Variants in PDGFRA observed in about 807,000 individuals in gnomAD.
PDGFRA encodes platelet-derived growth factor receptor alpha.
Under a neutral mutation model 121.5 loss-of-function variants are expected in PDGFRA, and 25 were observed. The ratio of observed to expected loss-of-function variants is 0.21; its 90% confidence interval spans 0.15 to 0.29. The LOEUF is 0.29. Among genes scored for constraint, PDGFRA ranks in the 10% least tolerant of loss-of-function variants. The pLI is 1.00. For synonymous variants in PDGFRA, 463 were observed against 494.8 expected, an observed-to-expected ratio of 0.94 and a Z score of 0.85; for missense variants, 1,008 against 1,345.1, an observed-to-expected ratio of 0.75 and a Z score of 3.92.
chr4:54,295,400 A>G lies in PDGFRA; in HGVS notation c.*128A>G. On this transcript the variant is annotated 3_prime_UTR_variant, in exon 23 of 23. Coordinates refer to ENST00000257290, the MANE Select transcript of PDGFRA (RefSeq NM_006206.6). Reference sequence around the variant, plus strand: ...ATGTTTAAAGAGAAGTTCCCAGCCAAGGGCCTCGGGGAGCGTTCTAAATAT... The same window carrying G: ...ATGTTTAAAGAGAAGTTCCCAGCCAGGGGCCTCGGGGAGCGTTCTAAATAT... 1.1e-6 allele frequency: 1 copy of G among 899,108 alleles called. No homozygotes were observed. The highest frequency in any genetic ancestry group is 2.4e-5 in the East Asian group (1 of 41,306). The allele number at this position is 899,108 out of a possible 1,614,324, so 55.7% of individuals were successfully genotyped here.
At chr4:54,230,013 T>A (rs7673027) in intron 1 of PDGFRA, 38,173 of 150,996 alleles carry the variant, frequency 0.25, 5,233 homozygotes, top group African/African-American at 0.34. Context: ...GGAGGCGGGC[T>A]GGGCTCGGCT....
At chr4:54,233,607 A>C (rs1214840298) in intron 1 of PDGFRA, among the ~76,000 whole-genome samples, 1 of 152,218 alleles carries the variant, frequency 6.6e-6, no homozygotes, top group Admixed American at 6.5e-5. Flanking sequence ...TCCTCCGGGC[A>C]GCCAGTGGAC....
chr4:54,235,126 C>T (rs144151639), intron 1 of PDGFRA, among the ~76,000 whole-genome samples: 5 of 152,202 alleles, frequency 3.3e-5, no homozygotes, highest in African/African-American at 1.2e-4. Context: ...TAGGAGACTG[C>T]GTAGAAAAAG....
chr4:54,270,128 T>A (rs1723261396), intron 7 of PDGFRA, among the ~76,000 whole-genome samples: 1 of 151,964 alleles, frequency 6.6e-6, no homozygotes, highest in Non-Finnish European at 1.5e-5. Context: ...CCTTCCAGAG[T>A]TTCTTTAAGC....
chr4:54,263,168 A>G (rs897510372), intron 3 of PDGFRA, among the ~76,000 whole-genome samples: 1 of 152,248 alleles, frequency 6.6e-6, no homozygotes, highest in Non-Finnish European at 1.5e-5. Context: ...AAGAGTTTTT[A>G]AAAGCATTTC....
chr4:54,278,662 A>T, intron 15 of PDGFRA, 147 bp downstream of exon 15: 1 of 757,892 alleles, frequency 1.3e-6, no homozygotes, highest in Non-Finnish European at 2.3e-6. Flanking sequence ...CAGTCTTTCC[A>T]TGGTCATGCA....
chr4:54,298,171 CT>C lies in PDGFRA; in HGVS notation c.*2900del, dbSNP rs1464298168. ...AATACAAAATGTATTACGAATGCCC[CT>C]GTTCATGTTTTTGTTTTAAAACGTG... On this transcript the variant is annotated 3_prime_UTR_variant, in exon 23 of 23. Coordinates refer to ENST00000257290, the MANE Select transcript of PDGFRA (RefSeq NM_006206.6). 4.3e-5 allele frequency: 9 copies of C among 209,210 alleles called. No homozygotes were observed. Among genetic ancestry groups the C allele is most frequent in the Admixed American group, 5.9e-5 (1 of 16,876 alleles). 13.0% of individuals were successfully genotyped at this position (209,210 alleles called of 1,614,324 possible).
At position 54,264,959 on chromosome 4, in the gene PDGFRA, C is replaced by A. The variant is rs576592961; in HGVS notation, c.669C>A (p.Thr223=). The A allele has an allele frequency of 6.2e-7, 1 of 1,612,984 alleles. No individual in the cohort carries two copies. The highest frequency in any genetic ancestry group is 8.5e-7 in the Non-Finnish European group (1 of 1,179,256). ...ELDLEMEALK[T]VYKSGETIVV... ...ATCTAGAAATGGAAGCTCTTAAAAC[C>A]GTGTATAAGTCAGGGGAAACGATTG... Residue 223 remains threonine (T), a synonymous_variant, in exon 5 of 23, where the codon ACC becomes ACA. Coordinates refer to ENST00000257290, the MANE Select transcript of PDGFRA (RefSeq NM_006206.6).
At chr4:54,276,434 T>A (rs1258435632) in intron 12 of PDGFRA, among the ~76,000 whole-genome samples, 1 of 152,182 alleles carries the variant, frequency 6.6e-6, no homozygotes, top group Admixed American at 6.5e-5. Flanking sequence ...AAATCGGCTC[T>A]GTCTAGGCAG....
intron 1 of PDGFRA, among the ~76,000 whole-genome samples, chr4:54,233,793 C>T (rs1720846493): frequency 6.6e-6 from 1 of 152,252 alleles, no homozygotes; most frequent in African/African-American, 2.4e-5. Flanking sequence ...TTCTGCGTTC[C>T]AGCCCCTCGC....
chr4:54,260,539 A>G (rs1424099021), intron 2 of PDGFRA, among the ~76,000 whole-genome samples: 1 of 151,116 alleles, frequency 6.6e-6, no homozygotes, highest in Non-Finnish European at 1.5e-5. Context: ...AGCTAGGACT[A>G]CAGGTGTACA....
intron 15 of PDGFRA, among the ~76,000 whole-genome samples, chr4:54,279,902 T>TTATATATATATATATATATATATA (rs34230327): frequency 1.4e-5 from 2 of 147,606 alleles, no homozygotes; most frequent in African/African-American, 5.0e-5. Flanking sequence ...TATAGCTGAG[T>TTATATATATATATATATATATATA]TACATATATA....
At chr4:54,233,127 T>C (rs368439838) in intron 1 of PDGFRA, among the ~76,000 whole-genome samples, 24 of 151,772 alleles carry the variant, frequency 1.6e-4, no homozygotes, top group African/African-American at 5.3e-4. Context: ...ACGCAGAGCG[T>C]CGTGCCTGGG....
rs776738736 is a variant in PDGFRA at position 54,288,911 on chromosome 4, C to T, written c.2774+13C>T. ...CTACCAGTGAAGTGTGAGCTCCTTC[C>T]CCATCCCGGGGGCCTGTGTTCACAG... On this transcript the variant is annotated intron_variant, in intron 20 of 22. Transcript: ENST00000257290. 1.3e-5 allele frequency: 21 copies of T among 1,588,012 alleles called. No homozygotes were observed. The African/African-American group carries it at 2.6e-4, about 19-fold the overall frequency.
intron 22 of PDGFRA, among the ~76,000 whole-genome samples, chr4:54,292,488 G>A (rs1724679131): frequency 6.6e-6 from 1 of 151,952 alleles, no homozygotes; most frequent in Non-Finnish European, 1.5e-5. Flanking sequence ...TGGACACATG[G>A]AGGGAAACAA....
rs568705166 is a variant in PDGFRA, at chr4:54,248,536, C to T, written c.-12-10221C>T. Reference sequence around the variant, plus strand: ...ATATGTAGAAAGCTGAAACTGGATCCCTTCCTTACACCTTATACAAAAATT... The same window carrying T: ...ATATGTAGAAAGCTGAAACTGGATCTCTTCCTTACACCTTATACAAAAATT... On this transcript the variant is annotated intron_variant, in intron 1 of 22. Transcript: ENST00000257290. Among the ~76,000 whole-genome samples, 1,112 of 152,226 alleles carry T rather than the reference C, an allele frequency of 7.3e-3. 16 individuals are homozygous for T. The highest frequency in any genetic ancestry group is 0.025 in the African/African-American group (1,035 of 41,546).
At chr4:54,262,450 G>T (rs893585093) in intron 3 of PDGFRA, among the ~76,000 whole-genome samples, 4 of 152,152 alleles carry the variant, frequency 2.6e-5, no homozygotes, top group African/African-American at 9.7e-5. Flanking sequence ...AATTAAAAAG[G>T]ACTATGGCTA....
intron 19 of PDGFRA, among the ~76,000 whole-genome samples, chr4:54,288,304 C>T (rs536870678): frequency 5.3e-5 from 8 of 152,212 alleles, no homozygotes; most frequent in Admixed American, 3.3e-4. Flanking sequence ...CTTCCTGCCC[C>T]GTCTCCTTTT....
In PDGFRA at chr4:54,289,066, C is replaced by T. The variant is rs2110345878; in HGVS notation, c.2832C>T (p.Tyr944=). The T allele has an allele frequency of 6.2e-7, 1 of 1,610,644 alleles. No individual in the cohort carries two copies. The highest frequency in any genetic ancestry group is 1.3e-5 in the African/African-American group (1 of 74,900). ...NSEPEKRPSF[Y]HLSEIVENLL... ...AGCCGGAGAAGAGACCCTCCTTTTA[C>T]CACCTGAGTGAGATTGTGGAGAATC... The change falls in exon 21 of 23, where the codon TAC becomes TAT. Residue 944 remains tyrosine (Y), a synonymous_variant. Coordinates refer to ENST00000257290, the MANE Select transcript of PDGFRA (RefSeq NM_006206.6).
Sources: allele counts gnomAD v4.1 joint callset (sites outside exome capture counted in the v4.1 genomes callset), GRCh38; gene constraint gnomAD v4.1.1; transcripts MANE v1.5; gene names NCBI Gene and HGNC (gene_info 2026-07-23, HGNC 2026-07-21).